The following STXBP4 variants were observed in gnomAD, a reference collection of about 807,000 sequenced individuals.
STXBP4 encodes the protein syntaxin binding protein 4, also known as syntaxin-binding protein 4.
In STXBP4, 55 loss-of-function variants were observed where a neutral mutation model predicts 76.1. The observed-to-expected ratio is 0.72, with a 90% CI of 0.58 to 0.91. The LOEUF is 0.91. Among genes scored for constraint, STXBP4 ranks in the 40% least tolerant of loss-of-function variants. STXBP4 has a pLI of 0.00. For missense variants in STXBP4, 618 were observed against 636.9 expected (o/e 0.97, Z 0.32); for synonymous variants, 201 against 220.2 (o/e 0.91, Z 0.77).
chr17:55,155,303 G>C (rs77697454), intron 17 of STXBP4, among the ~76,000 whole-genome samples: 3,554 of 152,142 alleles, frequency 0.023, 101 homozygotes, highest in African/African-American at 0.068. Context: ...GGTTCACCTT[G>C]TGTTCCTACC....
intron 12 of STXBP4, among the ~76,000 whole-genome samples, chr17:55,070,086 T>G (rs2079103164): frequency 2.0e-5 from 3 of 152,206 alleles, no homozygotes; most frequent in Admixed American, 2.0e-4. Context: ...AAACATTTTC[T>G]GTAGTTGGCA....
chr17:55,052,776 C>CA (rs2078874647), intron 12 of STXBP4, among the ~76,000 whole-genome samples: 1 of 149,792 alleles, frequency 6.7e-6, no homozygotes, highest in African/African-American at 2.5e-5. Flanking sequence ...ATATGATGCC[C>CA]AAAAAATGAC....
chr17:55,022,523 GT>G (rs1411738161), intron 8 of STXBP4, among the ~76,000 whole-genome samples: 1 of 152,064 alleles, frequency 6.6e-6, no homozygotes, highest in Non-Finnish European at 1.5e-5. Context: ...ACAAAAAGTT[GT>G]TTCCTGGTAT....
chr17:55,131,617 T>C (rs1414652796), intron 16 of STXBP4, among the ~76,000 whole-genome samples: 1 of 152,232 alleles, frequency 6.6e-6, no homozygotes, highest in Non-Finnish European at 1.5e-5. Flanking sequence ...GGATAGCAAC[T>C]TTACCACCTC....
chr17:55,100,172 G>T (rs887999677), intron 16 of STXBP4, among the ~76,000 whole-genome samples: 1 of 152,086 alleles, frequency 6.6e-6, no homozygotes, highest in African/African-American at 2.4e-5. Flanking sequence ...TTATCTGCTG[G>T]AATTGTATTT....
rs992275180 is a variant in STXBP4, at chr17:55,165,021, T to C, written c.*5110T>C. ...ATACGATTGAAATTAACCAAAACTT[T>C]TTCCATTTATTTTCTTTCTCCGCAT... On this transcript the variant is annotated 3_prime_UTR_variant, in exon 18 of 18. Transcript: ENST00000376352. 3.9e-5 allele frequency: 6 copies of C among 152,224 alleles called. No homozygotes were observed. The highest frequency in any genetic ancestry group is 7.3e-5 in the Non-Finnish European group (5 of 68,040). The allele number at this position is 152,224 out of a possible 1,614,324, so 9.4% of individuals were successfully genotyped here. A position where few individuals can be genotyped will look rare whatever the true frequency, so the allele number is the denominator to read the frequency against.
At chr17:55,183,338 C>A in the STXBP4 span, among the ~76,000 whole-genome samples, 1 of 152,126 alleles carries the variant, frequency 6.6e-6, no homozygotes, top group Non-Finnish European at 1.5e-5. Context: ...GTAAACCCAG[C>A]ACTTTAGGAG....
chr17:55,032,720 G>A (rs1367027789), intron 9 of STXBP4, among the ~76,000 whole-genome samples: 1 of 152,146 alleles, frequency 6.6e-6, no homozygotes, highest in East Asian at 1.9e-4. Flanking sequence ...CTGCAAGGGA[G>A]TTTGTGGAGT....
intron 12 of STXBP4, among the ~76,000 whole-genome samples, chr17:55,066,758 C>T (rs572549534): frequency 1.3e-5 from 2 of 151,954 alleles, no homozygotes; most frequent in East Asian, 3.9e-4. Context: ...ACCTGTAATC[C>T]CATCACTTTC....
rs1353154184 is a variant in STXBP4, at chr17:55,078,751, T to C, written c.1355+16T>C. ...CAAATTTAAGGTAAGAAAATTTAAG[T>C]GCTTTTTGCAGAATATGGGTAGTGA... On this transcript the variant is annotated intron_variant, in intron 15 of 17. Transcript: ENST00000376352. 1 of 1,409,250 alleles carries C rather than the reference T, an allele frequency of 7.1e-7. No homozygotes were observed. Among genetic ancestry groups the C allele is most frequent in the Non-Finnish European group, 1.0e-6 (1 of 997,036 alleles). The allele number at this position is 1,409,250 out of a possible 1,614,324, so 87.3% of individuals were successfully genotyped here.
rs77708278 is a variant in STXBP4, at chr17:55,008,210, CT to C, written c.666+625del. Among the ~76,000 whole-genome samples the C allele has an allele frequency of 3.2e-3, 458 of 145,130 alleles. 1 individual carries two copies. The highest frequency in any genetic ancestry group is 0.016 in the South Asian group (73 of 4,574). ...GGGATCTGAAGGGAAAAATAAGCCC[CT>C]TTTTTTTTTTTGATGTAAAATGGAT... On this transcript the variant is annotated intron_variant, in intron 8 of 17. Transcript: ENST00000376352.
At chr17:55,024,502 T>A (rs1177477116) in intron 8 of STXBP4, among the ~76,000 whole-genome samples, 1 of 152,186 alleles carries the variant, frequency 6.6e-6, no homozygotes, top group African/African-American at 2.4e-5. Context: ...CTGGGGTTCC[T>A]AAGTGAAAAA....
At chr17:55,202,561 A>G in the STXBP4 span, among the ~76,000 whole-genome samples, 1 of 152,184 alleles carries the variant, frequency 6.6e-6, no homozygotes, top group Non-Finnish European at 1.5e-5. Context: ...TGCTCAGGGC[A>G]ACACAGGTAG....
chr17:55,131,092 G>A (rs916030568), intron 16 of STXBP4, among the ~76,000 whole-genome samples: 12 of 152,130 alleles, frequency 7.9e-5, no homozygotes, highest in African/African-American at 2.4e-4. Context: ...AGGAACCTAC[G>A]TACTATTTTC....
intron 1 of STXBP4, among the ~76,000 whole-genome samples, chr17:54,980,703 G>T (rs1018379535): frequency 6.6e-6 from 1 of 152,170 alleles, no homozygotes; most frequent in Non-Finnish European, 1.5e-5. Context: ...TTGTGGAGAG[G>T]TAGGGTTTTC....
chr17:55,142,302 C>T (rs982331021), intron 17 of STXBP4, among the ~76,000 whole-genome samples: 3 of 152,192 alleles, frequency 2.0e-5, no homozygotes, highest in African/African-American at 4.8e-5. Context: ...CCAACAGACT[C>T]CTAAGAGCCC....
the STXBP4 span, among the ~76,000 whole-genome samples, chr17:55,184,433 G>A: frequency 6.6e-6 from 1 of 152,176 alleles, no homozygotes; most frequent in Non-Finnish European, 1.5e-5. Context: ...AGGAGAAATA[G>A]AACTTTCTAG....
At chr17:55,131,202 G>A (rs1466826965) in intron 16 of STXBP4, among the ~76,000 whole-genome samples, 1 of 152,084 alleles carries the variant, frequency 6.6e-6, no homozygotes, top group Non-Finnish European at 1.5e-5. Context: ...TTTGATAATA[G>A]CCATTCTAAC....
chr17:55,012,654 C>T (rs1246394461), intron 8 of STXBP4, among the ~76,000 whole-genome samples: 1 of 152,170 alleles, frequency 6.6e-6, no homozygotes, highest in South Asian at 2.1e-4. Context: ...CCTTTTCCTT[C>T]TCCTAATTCT....
Sources: gnomAD v4.1 joint callset for allele counts (sites outside exome capture counted in the v4.1 genomes callset) on GRCh38, gnomAD v4.1.1 for gene constraint, MANE v1.5 for transcripts, NCBI Gene and HGNC (gene_info 2026-07-23, HGNC 2026-07-21) for gene names.